LUZP2: variants seen among roughly 807,000 people sequenced by gnomAD.
LUZP2 encodes leucine zipper protein 2.
Under a neutral mutation model 51.6 loss-of-function variants are expected in LUZP2, and 52 were observed. That is an observed-to-expected ratio of 1.01 (90% CI 0.81 to 1.27). The LOEUF (loss-of-function observed/expected upper bound fraction) is 1.27, where lower values mean the gene tolerates loss of function less well. LUZP2 is among the 50% of genes most tolerant of loss of function. The pLI is 0.00. For missense variants in LUZP2, 436 were observed against 395.4 expected (o/e 1.10, Z -0.87); for synonymous variants, 154 against 137.3 (o/e 1.12, Z -0.85).
chr11:24,956,658 A>T (rs1855221476), intron 7 of LUZP2, among the ~76,000 whole-genome samples: 1 of 152,130 alleles, frequency 6.6e-6, no homozygotes, highest in South Asian at 2.1e-4. Context: ...GTAACAGGAA[A>T]TAAAGATTTT....
chr11:24,503,865 T>C (rs1850073805), intron 1 of LUZP2, among the ~76,000 whole-genome samples: 2 of 152,106 alleles, frequency 1.3e-5, no homozygotes, highest in South Asian at 4.1e-4. Flanking sequence ...TATTATGGAG[T>C]ATAAAATAAC....
At chr11:24,770,665 C>G (rs985043945) in intron 5 of LUZP2, among the ~76,000 whole-genome samples, 8 of 152,052 alleles carry the variant, frequency 5.3e-5, no homozygotes, top group African/African-American at 1.9e-4. Flanking sequence ...TTCCAAATAG[C>G]CATTGACACA....
At chr11:24,697,733 T>C (rs1404672753) in intron 1 of LUZP2, among the ~76,000 whole-genome samples, 2 of 152,206 alleles carry the variant, frequency 1.3e-5, no homozygotes. Context: ...CCATTGTTTC[T>C]TAGTTGTCTT....
chr11:24,788,942 A>C (rs1482432567), intron 5 of LUZP2, among the ~76,000 whole-genome samples: 1 of 152,150 alleles, frequency 6.6e-6, no homozygotes, highest in East Asian at 1.9e-4. Context: ...TCTCATCAAA[A>C]AATGCCCTCA....
At chr11:24,622,424 C>T (rs1262611422) in intron 1 of LUZP2, among the ~76,000 whole-genome samples, 1 of 151,964 alleles carries the variant, frequency 6.6e-6, no homozygotes, top group African/African-American at 2.4e-5. Context: ...AGGCTGATCT[C>T]GAATTTCAGA....
At chr11:24,689,938 T>C (rs1857017815) in intron 1 of LUZP2, among the ~76,000 whole-genome samples, 1 of 151,996 alleles carries the variant, frequency 6.6e-6, no homozygotes, top group African/African-American at 2.4e-5. Flanking sequence ...ACTGTAAAAA[T>C]AAGGGTAGTG....
At chr11:24,875,790 C>T (rs1852238356) in intron 5 of LUZP2, among the ~76,000 whole-genome samples, 1 of 152,184 alleles carries the variant, frequency 6.6e-6, no homozygotes, top group Non-Finnish European at 1.5e-5. Context: ...CTCATGATTG[C>T]CATTTTAACT....
chr11:24,712,714 T>C (rs1215723052), intron 1 of LUZP2, among the ~76,000 whole-genome samples: 2 of 152,146 alleles, frequency 1.3e-5, no homozygotes, highest in African/African-American at 4.8e-5. Context: ...TGGGGCATAA[T>C]TGAGAAAGGG....
rs374088388 is a variant in LUZP2 at position 24,751,039 on chromosome 11, T to A, written c.334-12207T>A. On this transcript the variant is annotated intron_variant, in intron 4 of 11. Transcript: ENST00000336930. ...TTCCAAGAATACTTATTAATCCTCATTAAGAACTAGAAAATATGGAATAAA... is the reference window on the plus strand; with the variant it reads ...TTCCAAGAATACTTATTAATCCTCAATAAGAACTAGAAAATATGGAATAAA... 4.6e-5 allele frequency among the ~76,000 whole-genome samples: 7 copies of A among 152,242 alleles called. No homozygotes were observed. The East Asian group carries it at 1.2e-3, about 25-fold the overall frequency.
intron 5 of LUZP2, among the ~76,000 whole-genome samples, chr11:24,810,222 CAT>C (rs1849978661): frequency 1.3e-5 from 2 of 152,232 alleles, no homozygotes; most frequent in South Asian, 4.2e-4. Context: ...CACACATATA[CAT>C]ATATATGCAC....
intron 5 of LUZP2, among the ~76,000 whole-genome samples, chr11:24,861,331 G>A (rs1347248013): frequency 6.6e-6 from 1 of 152,160 alleles, no homozygotes; most frequent in African/African-American, 2.4e-5. Flanking sequence ...CAATTGATCA[G>A]AGTACCAGAA....
chr11:24,757,854 A>T (rs1206863699), intron 4 of LUZP2, among the ~76,000 whole-genome samples: 1 of 152,080 alleles, frequency 6.6e-6, no homozygotes, highest in African/African-American at 2.4e-5. Context: ...TTAATATAAA[A>T]TTCCAAAATT....
At chr11:24,929,091 A>G (rs994849972) in intron 7 of LUZP2, among the ~76,000 whole-genome samples, 3 of 151,664 alleles carry the variant, frequency 2.0e-5, no homozygotes, top group African/African-American at 7.3e-5. Flanking sequence ...ATCCCCTTTC[A>G]TTTCTGATTA....
At chr11:24,752,042 A>G (rs1209861375) in intron 4 of LUZP2, among the ~76,000 whole-genome samples, 2 of 152,170 alleles carry the variant, frequency 1.3e-5, no homozygotes, top group Non-Finnish European at 2.9e-5. Context: ...ATTTATAGAA[A>G]GCATCAGGGA....
At chr11:24,569,950 C>T (rs960359993) in intron 1 of LUZP2, among the ~76,000 whole-genome samples, 5 of 151,968 alleles carry the variant, frequency 3.3e-5, no homozygotes, top group Non-Finnish European at 5.9e-5. Context: ...CACAAATTTT[C>T]ACTCAGTGTT....
intron 5 of LUZP2, among the ~76,000 whole-genome samples, chr11:24,859,902 C>A (rs977626609): frequency 6.6e-6 from 1 of 152,206 alleles, no homozygotes. Context: ...CCCCAGAACA[C>A]GCTGTCTTAC....
chr11:24,648,483 G>A (rs939334393), intron 1 of LUZP2, among the ~76,000 whole-genome samples: 2 of 151,894 alleles, frequency 1.3e-5, no homozygotes, highest in African/African-American at 2.4e-5. Flanking sequence ...AATAATTTGT[G>A]TAAACATATT....
chr11:24,996,796 G>A (rs897842127), intron 9 of LUZP2, among the ~76,000 whole-genome samples: 1 of 151,748 alleles, frequency 6.6e-6, no homozygotes, highest in African/African-American at 2.4e-5. Flanking sequence ...AGTCTCCAGA[G>A]TGTGATGTTC....
In LUZP2 at chr11:25,002,162, G is replaced by A. The variant is rs78202603; in HGVS notation, c.765+18869G>A. Among the ~76,000 whole-genome samples, 148 of 152,272 alleles carry A rather than the reference G, an allele frequency of 9.7e-4. No individual in the cohort carries two copies. In the East Asian group the frequency reaches 0.025, roughly 25 times the overall value. ...TCCCAATTCTAAGTCTTGGGTAAATGCCACTAGTTCTGCTAACTGGGTGCT... is the reference window on the plus strand; with the variant it reads ...TCCCAATTCTAAGTCTTGGGTAAATACCACTAGTTCTGCTAACTGGGTGCT... On this transcript the variant is annotated intron_variant, in intron 9 of 11. Coordinates refer to ENST00000336930, the MANE Select transcript of LUZP2 (RefSeq NM_001009909.4).
Sources: gnomAD v4.1 joint callset for allele counts (sites outside exome capture counted in the v4.1 genomes callset) on GRCh38, gnomAD v4.1.1 for gene constraint, MANE v1.5 for transcripts, NCBI Gene and HGNC (gene_info 2026-07-23, HGNC 2026-07-21) for gene names.